The following NCOA2 variants were observed in gnomAD, a reference collection of about 807,000 sequenced individuals.
The protein encoded by NCOA2 is nuclear receptor coactivator 2.
Under a neutral mutation model 145.1 loss-of-function variants are expected in NCOA2, and 21 were observed. The observed-to-expected ratio is 0.14, with a 90% CI of 0.10 to 0.21. NCOA2 has a LOEUF of 0.21. Among genes scored for constraint, NCOA2 ranks in the 10% least tolerant of loss-of-function variants. The pLI, the probability that NCOA2 is intolerant of heterozygous loss-of-function variation, is 1.00. For missense variants in NCOA2, 1,472 were observed against 1,837.6 expected (o/e 0.80, Z 3.64); for synonymous variants, 619 against 637.5 (o/e 0.97, Z 0.44).
chr8:70,214,143 TA>T, intron 3 of NCOA2, 68 bp from the exon 4 acceptor site: 1 of 1,423,988 alleles, frequency 7.0e-7, no homozygotes. Context: ...ATGAACGTGT[TA>T]AACAAGTTTA....
intron 2 of NCOA2, among the ~76,000 whole-genome samples, chr8:70,236,796 G>A (rs929850417): frequency 6.6e-6 from 1 of 152,176 alleles, no homozygotes; most frequent in Non-Finnish European, 1.5e-5. Flanking sequence ...GTATATGGGA[G>A]GATGCGCATT....
At chr8:70,147,424 C>T (rs1011616507) in intron 12 of NCOA2, among the ~76,000 whole-genome samples, 3 of 152,110 alleles carry the variant, frequency 2.0e-5, no homozygotes, top group African/African-American at 7.2e-5. Context: ...GAACAAATGC[C>T]AGGTATTGGC....
At chr8:70,321,644 C>T (rs923554301) in intron 1 of NCOA2, among the ~76,000 whole-genome samples, 3 of 152,006 alleles carry the variant, frequency 2.0e-5, no homozygotes, top group Non-Finnish European at 2.9e-5. Context: ...AGACACCCTT[C>T]GCCACACAAG....
chr8:70,176,437 T>C (rs1814856028), intron 4 of NCOA2, among the ~76,000 whole-genome samples: 1 of 152,184 alleles, frequency 6.6e-6, no homozygotes, highest in African/African-American at 2.4e-5. Flanking sequence ...AGCTCCTCAC[T>C]GCTGGGTCCT....
intron 1 of NCOA2, among the ~76,000 whole-genome samples, chr8:70,364,012 G>GAA (rs151109691): frequency 2.2e-5 from 3 of 134,330 alleles, no homozygotes; most frequent in Non-Finnish European, 4.8e-5. Flanking sequence ...ATACAACAAT[G>GAA]AAAAAAAAAA....
At chr8:70,163,749 G>A (rs1483931087) in intron 7 of NCOA2, among the ~76,000 whole-genome samples, 183 bp from the exon 8 acceptor site, 1 of 152,140 alleles carries the variant, frequency 6.6e-6, no homozygotes, top group Non-Finnish European at 1.5e-5. Flanking sequence ...GGTGGGTAAG[G>A]GAGACGGAGG....
At chr8:70,273,803 G>A in intron 2 of NCOA2, 1 of 575,664 alleles carries the variant, frequency 1.7e-6, no homozygotes, top group South Asian at 1.4e-5. Flanking sequence ...CAGATCTTGT[G>A]GAGAATTTGG....
At chr8:70,449,973 C>G in the NCOA2 span, among the ~76,000 whole-genome samples, 2 of 152,316 alleles carry the variant, frequency 1.3e-5, no homozygotes, top group Admixed American at 1.3e-4. Context: ...CTGCTGTGTT[C>G]TTCAAAAGCA....
rs1023108895 is a variant in NCOA2 at position 70,331,549 on chromosome 8, T to C, written c.-76-34749A>G. On this transcript the variant is annotated intron_variant, in intron 1 of 22. Transcript: ENST00000452400. Reference sequence around the variant, plus strand: ...CTTACGTTAAAATGTCTAAAATTAATGCTATGTATTAATTTATGTGAAACT... The same window carrying C: ...CTTACGTTAAAATGTCTAAAATTAACGCTATGTATTAATTTATGTGAAACT... Among the ~76,000 whole-genome samples, 3 of 152,258 alleles carry C rather than the reference T, an allele frequency of 2.0e-5. No individual in the cohort carries two copies. In the South Asian group the frequency reaches 6.2e-4, roughly 32 times the overall value.
At chr8:70,395,188 G>A (rs992925396) in intron 1 of NCOA2, among the ~76,000 whole-genome samples, 3 of 152,216 alleles carry the variant, frequency 2.0e-5, no homozygotes, top group Admixed American at 2.0e-4. Context: ...GGAGGTAGAG[G>A]AGAAAGATGT....
intron 1 of NCOA2, among the ~76,000 whole-genome samples, chr8:70,383,168 G>A (rs1812364395): frequency 6.6e-6 from 1 of 152,168 alleles, no homozygotes; most frequent in Admixed American, 6.5e-5. Context: ...GTCCTATCAA[G>A]ACACCAAGAA....
intron 18 of NCOA2, 22 bp from the exon 19 acceptor site, chr8:70,127,069 G>GCC: frequency 1.3e-6 from 2 of 1,543,642 alleles, no homozygotes; most frequent in Non-Finnish European, 1.8e-6. Flanking sequence ...GGCAACACAT[G>GCC]GAGGAAAATG....
At chr8:70,273,593 C>G (rs1376064256) in intron 2 of NCOA2, 2 of 753,846 alleles carry the variant, frequency 2.7e-6, no homozygotes, top group East Asian at 5.8e-5. Context: ...CCCTAAAGCC[C>G]AGACATCTCT....
At chr8:70,255,520 T>C (rs923437295) in intron 2 of NCOA2, among the ~76,000 whole-genome samples, 4 of 152,192 alleles carry the variant, frequency 2.6e-5, no homozygotes, top group Non-Finnish European at 5.9e-5. Context: ...AATACAGTAA[T>C]ATGTACATAC....
At chr8:70,279,574 A>G (rs1356345989) in intron 2 of NCOA2, among the ~76,000 whole-genome samples, 2 of 152,204 alleles carry the variant, frequency 1.3e-5, no homozygotes, top group East Asian at 3.9e-4. Flanking sequence ...GTCAGGTCAC[A>G]TGGTTCATGA....
At chr8:70,316,954 G>A (rs750091759) in intron 1 of NCOA2, among the ~76,000 whole-genome samples, 1 of 152,062 alleles carries the variant, frequency 6.6e-6, no homozygotes, top group Non-Finnish European at 1.5e-5. Context: ...CACACTGTTC[G>A]GAAGGTTGTA....
At chr8:70,329,652 A>AC (rs1806903041) in intron 1 of NCOA2, among the ~76,000 whole-genome samples, 1 of 152,142 alleles carries the variant, frequency 6.6e-6, no homozygotes, top group Admixed American at 6.6e-5. Flanking sequence ...ACCAAAATAG[A>AC]AAGTGACCCA....
At chr8:70,229,845 G>GT (rs1820981212) in intron 2 of NCOA2, among the ~76,000 whole-genome samples, 1 of 152,184 alleles carries the variant, frequency 6.6e-6, no homozygotes, top group African/African-American at 2.4e-5. Context: ...TTGCTGAGAT[G>GT]TAAGAACCGC....
chr8:70,387,978 G>C (rs1812826563), intron 1 of NCOA2, among the ~76,000 whole-genome samples: 3 of 152,226 alleles, frequency 2.0e-5, no homozygotes, highest in Admixed American at 2.0e-4. Flanking sequence ...CCCAGTCATA[G>C]ACTCAGCCCT....
Sources: allele counts gnomAD v4.1 joint callset (sites outside exome capture counted in the v4.1 genomes callset), GRCh38; gene constraint gnomAD v4.1.1; transcripts MANE v1.5; gene names NCBI Gene and HGNC (gene_info 2026-07-23, HGNC 2026-07-21).